The following OPN4 variants were observed in gnomAD, a reference collection of about 807,000 sequenced individuals.
The protein encoded by OPN4 is opsin 4.
Under a neutral mutation model 49.5 loss-of-function variants are expected in OPN4, and 43 were observed. The observed-to-expected ratio is 0.87, with a 90% CI of 0.68 to 1.12. The LOEUF (loss-of-function observed/expected upper bound fraction) is 1.12, where lower values mean the gene tolerates loss of function less well. OPN4 is among the 50% of genes most tolerant of loss of function. OPN4 has a pLI of 0.00. For synonymous variants in OPN4, 263 were observed against 258.0 expected (o/e 1.02, Z -0.19); for missense variants, 657 against 643.9 (o/e 1.02, Z -0.22).
intron 9 of OPN4, among the ~76,000 whole-genome samples, chr10:86,665,391 G>T (rs1488262281): frequency 1.3e-5 from 2 of 152,140 alleles, no homozygotes; most frequent in Admixed American, 1.3e-4. Flanking sequence ...AGGACAGCAG[G>T]AGCGGGGGTG....
At chr10:86,659,540 A>C in intron 5 of OPN4, 72 bp downstream of exon 5, 1 of 1,546,014 alleles carries the variant, frequency 6.5e-7, no homozygotes, top group Non-Finnish European at 8.7e-7. Context: ...CTGCCCCACC[A>C]CTCACACCTG....
chr10:86,655,445 G>A (rs35571905), intron 1 of OPN4, among the ~76,000 whole-genome samples: 3,705 of 152,238 alleles, frequency 0.024, 149 homozygotes, highest in African/African-American at 0.086. Flanking sequence ...GGAAGGCTCC[G>A]GTAGCTATAG....
At chr10:86,661,991 C>T (rs1421817510) in intron 7 of OPN4, among the ~76,000 whole-genome samples, 2 of 152,134 alleles carry the variant, frequency 1.3e-5, no homozygotes, top group Non-Finnish European at 2.9e-5. Flanking sequence ...CTGGAACCAA[C>T]ATCCCCAGGC....
chr10:86,658,384 C>A, intron 3 of OPN4, 100 bp from the exon 4 acceptor site: 1 of 1,352,046 alleles, frequency 7.4e-7, no homozygotes, highest in Non-Finnish European at 1.0e-6. Context: ...GGGTGGAGTG[C>A]GCTCAGTCCT....
chr10:86,658,065 C>T lies in OPN4; in HGVS notation c.324C>T (p.Phe108=). The change falls in exon 3 of 10, where the codon TTC becomes TTT. Residue 108 remains phenylalanine (F), a synonymous_variant. Transcript: ENST00000241891. ...SRSLRTPANM[F]IINLAVSDFL... ...GCCTCCGGACACCTGCCAACATGTT[C>T]ATTATCAACCTCGCGGTCAGCGACT... is the stretch of plus-strand genomic sequence containing the variant. The T allele has an allele frequency of 3.1e-6, 5 of 1,613,852 alleles. No homozygotes were observed. The highest frequency in any genetic ancestry group is 4.2e-6 in the Non-Finnish European group (5 of 1,180,026).
chr10:86,659,147 G>T, intron 4 of OPN4, 150 bp from the exon 5 acceptor site: 1 of 627,712 alleles, frequency 1.6e-6, no homozygotes, highest in East Asian at 2.7e-5. Context: ...GGCCATCCCA[G>T]TTCCCTCCAG....
At chr10:86,663,446 G>A (rs553348138) in intron 8 of OPN4, among the ~76,000 whole-genome samples, 46 of 152,296 alleles carry the variant, frequency 3.0e-4, no homozygotes, top group African/African-American at 1.0e-3. Context: ...TGTGCAGATG[G>A]GGAGCAAACC....
At chr10:86,661,428 G>GGTGT in intron 7 of OPN4, 40 bp downstream of exon 7, 2 of 1,512,664 alleles carry the variant, frequency 1.3e-6, no homozygotes, top group Non-Finnish European at 1.8e-6. Flanking sequence ...TGGCCTCCAA[G>GGTGT]GGCCTGGCCT....
intron 8 of OPN4, 77 bp downstream of exon 8, chr10:86,662,509 T>G: frequency 1.4e-6 from 2 of 1,400,352 alleles, no homozygotes; most frequent in Non-Finnish European, 1.9e-6. Context: ...GGGGAATACA[T>G]AGGCCCTGGC....
chr10:86,663,877 AAG>A (rs1589592208), intron 9 of OPN4, 75 bp downstream of exon 9: 1 of 1,504,954 alleles, frequency 6.6e-7, no homozygotes, highest in Non-Finnish European at 9.0e-7. Flanking sequence ...GAGGCCAGGA[AAG>A]AGAGACTTGT....
rs1425953478 is a variant in OPN4 at position 86,659,236 on chromosome 10, G to C, written c.629-61G>C. 4.4e-6 allele frequency: 6 copies of C among 1,372,324 alleles called. No homozygotes were observed. The African/African-American group carries it at 8.6e-5, about 20-fold the overall frequency. 85.0% of individuals were successfully genotyped at this position (1,372,324 alleles called of 1,614,324 possible). A position where few individuals can be genotyped will look rare whatever the true frequency, so the allele number is the denominator to read the frequency against. On this transcript the variant is annotated intron_variant, in intron 4 of 9. Coordinates refer to ENST00000241891, the MANE Select transcript of OPN4 (RefSeq NM_033282.4). ...CCCGAATGCCACATACAAAGCTCCT[G>C]CCAGATAAGGAGCCGTGGTCAGTGC... is the stretch of plus-strand genomic sequence containing the variant.
At chr10:86,662,550 G>A (rs2803550) in intron 8 of OPN4, 118 bp downstream of exon 8, 112,874 of 967,642 alleles carry the variant, frequency 0.12, 7,607 homozygotes, top group Non-Finnish European at 0.14. Context: ...GGGACACTGA[G>A]GACGCTGGCA....
chr10:86,665,921 A>G lies in OPN4; in HGVS notation c.*170A>G, dbSNP rs927019345. 14 of 601,970 alleles carry G rather than the reference A, an allele frequency of 2.3e-5. No homozygotes were observed. In the African/African-American group the frequency reaches 2.6e-4, roughly 11 times the overall value. 37.3% of individuals were successfully genotyped at this position (601,970 alleles called of 1,614,324 possible). ...GCCCCATGGCCCCTCTCCACACCTCAAAACTCCTGCCCCATAACGTCCTCC... is the reference window on the plus strand; with the variant it reads ...GCCCCATGGCCCCTCTCCACACCTCGAAACTCCTGCCCCATAACGTCCTCC... On this transcript the variant is annotated 3_prime_UTR_variant, in exon 10 of 10. Coordinates refer to ENST00000241891, the MANE Select transcript of OPN4 (RefSeq NM_033282.4).
intron 8 of OPN4, 127 bp downstream of exon 8, chr10:86,662,559 C>A: frequency 2.2e-6 from 2 of 890,232 alleles, no homozygotes; most frequent in Non-Finnish European, 3.3e-6. Flanking sequence ...AGGACGCTGG[C>A]ACCCTGGCAG....
chr10:86,654,848 CCCCAGCACCA>C lies in OPN4; in HGVS notation c.72_81del (p.Pro25GlyfsTer49). 6.2e-7 allele frequency: 1 copy of C among 1,613,642 alleles called. No individual in the cohort carries two copies. Among genetic ancestry groups the C allele is most frequent in the Non-Finnish European group, 8.5e-7 (1 of 1,179,718 alleles). On this transcript the variant is annotated frameshift_variant, in exon 1 of 10. Transcript: ENST00000241891. LOFTEE classifies it high-confidence loss of function. ...ACCCAAGAGCCCAGCTGCATGGCCA[CCCCAGCACCA>C]CCCAGCTGGTGGGACAGCTCCCAGA... is the stretch of plus-strand genomic sequence containing the variant.
chr10:86,664,464 C>T (rs998843673), intron 9 of OPN4, among the ~76,000 whole-genome samples: 13 of 152,090 alleles, frequency 8.5e-5, no homozygotes, highest in Admixed American at 5.2e-4. Context: ...ATGTTGATGG[C>T]GATTAGAGAA....
At chr10:86,655,860 A>G (rs1268406632) in intron 1 of OPN4, among the ~76,000 whole-genome samples, 1 of 152,126 alleles carries the variant, frequency 6.6e-6, no homozygotes, top group Non-Finnish European at 1.5e-5. Context: ...GACCAGGGCC[A>G]TGTCCCTGCT....
chr10:86,659,065 C>T (rs1843938550), intron 4 of OPN4, among the ~76,000 whole-genome samples: 1 of 152,198 alleles, frequency 6.6e-6, no homozygotes, highest in Non-Finnish European at 1.5e-5. Context: ...GAAGCCCTGG[C>T]AAGCAAAACC....
chr10:86,660,657 G>A (rs1010299835), intron 6 of OPN4, among the ~76,000 whole-genome samples: 15 of 152,174 alleles, frequency 9.9e-5, no homozygotes, highest in African/African-American at 3.1e-4. Flanking sequence ...GGTGTGAGAA[G>A]AGCTAGGCAG....
Sources: allele counts gnomAD v4.1 joint callset (sites outside exome capture counted in the v4.1 genomes callset), GRCh38; gene constraint gnomAD v4.1.1; transcripts MANE v1.5; gene names NCBI Gene and HGNC (gene_info 2026-07-23, HGNC 2026-07-21).